STARD10: variants seen among roughly 807,000 people sequenced by gnomAD.
STARD10 encodes the protein StAR related lipid transfer domain containing 10, also known as START domain-containing protein 10.
In STARD10, 24 loss-of-function variants were observed where a neutral mutation model predicts 36.0. That is an observed-to-expected ratio of 0.67 (90% CI 0.48 to 0.94). The LOEUF is 0.94. Among genes scored for constraint, STARD10 ranks in the 40% least tolerant of loss-of-function variants. STARD10 has a pLI of 0.00. For missense variants in STARD10, 335 were observed against 396.6 expected (o/e 0.84, Z 1.32); for synonymous variants, 156 against 161.9 (o/e 0.96, Z 0.28).
chr11:72,758,197 T>G (rs550131511), intron 4 of STARD10, among the ~76,000 whole-genome samples: 15 of 152,354 alleles, frequency 9.8e-5, no homozygotes, highest in Non-Finnish European at 1.8e-4. Context: ...TGCCTGTCCT[T>G]GCCCAGGGAG....
chr11:72,780,319 C>A (rs1051161813), intron 2 of STARD10: 6 of 395,586 alleles, frequency 1.5e-5, no homozygotes, highest in African/African-American at 1.0e-4. Flanking sequence ...CAACTGCTCC[C>A]TATGTTGGCT....
Position 72,783,564 on chromosome 11 carries a change from A to G in STARD10, c.-113-2270T>C, listed in dbSNP as rs940954455. 3 of 152,954 alleles carry G rather than the reference A, an allele frequency of 2.0e-5. No homozygotes were observed. In the South Asian group the frequency reaches 6.2e-4, roughly 32 times the overall value. 9.5% of individuals were successfully genotyped at this position (152,954 alleles called of 1,614,324 possible). On this transcript the variant is annotated intron_variant, in intron 1 of 6. Transcript: ENST00000334805. The stretch of plus-strand genomic sequence containing the variant: ...GATACCCACACTGCCTGGGTGGGAC[A>G]CTCAGGCAGTGTGGGTATCAGATAA...
rs761821853 is a variant in STARD10 at position 72,755,119 on chromosome 11, C to T, written c.654G>A (p.Ala218=). ...APKAMKKMYK[A]CLKYPEWKQK... is the part of the protein sequence containing the mutation. ...GTTTCCACTCGGGGTACTTGAGGCACGCCTTGTACATCTTCTTCATGGCCT... is the reference window on the plus strand; with the variant it reads ...GTTTCCACTCGGGGTACTTGAGGCATGCCTTGTACATCTTCTTCATGGCCT... Residue 218 remains alanine, a synonymous_variant, in exon 7 of 7, where the codon GCG becomes GCA. Coordinates refer to ENST00000334805, the MANE Select transcript of STARD10 (RefSeq NM_006645.3). The T allele has an allele frequency of 8.1e-6, 13 of 1,613,226 alleles. No homozygotes were observed. Among genetic ancestry groups the T allele is most frequent in the Non-Finnish European group, 1.1e-5 (13 of 1,179,700 alleles).
chr11:72,787,106 G>C (rs1234557145), intron 1 of STARD10, among the ~76,000 whole-genome samples: 1 of 124,844 alleles, frequency 8.0e-6, no homozygotes, highest in African/African-American at 3.1e-5. Context: ...AAAAAAAAAA[G>C]GAAATGGGAC....
At chr11:72,756,156 A>G (rs1858640969) in intron 5 of STARD10, among the ~76,000 whole-genome samples, 1 of 151,964 alleles carries the variant, frequency 6.6e-6, no homozygotes, top group Non-Finnish European at 1.5e-5. Flanking sequence ...TGTCCTTCCA[A>G]GTCCTCCCCT....
Position 72,771,808 on chromosome 11 carries a change from C to T in STARD10, c.207+9167G>A, listed in dbSNP as rs146897130. 6.9e-4 allele frequency among the ~76,000 whole-genome samples: 105 copies of T among 152,092 alleles called. No individual in the cohort carries two copies. The South Asian group carries it at 0.017, about 24-fold the overall frequency. ...CCTCTCCACTTCTATCCTGGGGGGG[C>T]GAGGGGGAGCCAGACAGAGAAGGGA... On this transcript the variant is annotated intron_variant, in intron 2 of 6. Coordinates refer to ENST00000334805, the MANE Select transcript of STARD10 (RefSeq NM_006645.3).
chr11:72,771,958 C>G (rs12285216), intron 2 of STARD10, among the ~76,000 whole-genome samples: 18,543 of 152,076 alleles, frequency 0.12, 1,441 homozygotes, highest in African/African-American at 0.21. Context: ...CACAAAGAGG[C>G]AAAAAGCCTC....
intron 2 of STARD10, among the ~76,000 whole-genome samples, chr11:72,776,394 C>T (rs1212476751): frequency 1.3e-5 from 2 of 152,152 alleles, no homozygotes; most frequent in Admixed American, 6.5e-5. Context: ...CTGCCACCGC[C>T]GATAAGAAGA....
At chr11:72,789,956 G>A (rs1292296875) in intron 1 of STARD10, among the ~76,000 whole-genome samples, 1 of 152,154 alleles carries the variant, frequency 6.6e-6, no homozygotes, top group Non-Finnish European at 1.5e-5. Flanking sequence ...ACTCCTCTGA[G>A]CCTGCTTTGC....
intron 1 of STARD10, among the ~76,000 whole-genome samples, chr11:72,782,931 C>T (rs1859023813): frequency 6.6e-6 from 1 of 152,192 alleles, no homozygotes; most frequent in Non-Finnish European, 1.5e-5. Flanking sequence ...GCACGCAGAT[C>T]TCAGCCTCCT....
chr11:72,774,015 G>A (rs1858898557), intron 2 of STARD10, among the ~76,000 whole-genome samples: 1 of 152,202 alleles, frequency 6.6e-6, no homozygotes, highest in South Asian at 2.1e-4. Flanking sequence ...CTGGCTATCA[G>A]GCCTCTACCT....
At chr11:72,787,524 T>A (rs1215634696) in intron 1 of STARD10, among the ~76,000 whole-genome samples, 1 of 152,176 alleles carries the variant, frequency 6.6e-6, no homozygotes, top group South Asian at 2.1e-4. Context: ...TGGATTCTCC[T>A]TCCGGAGGGT....
rs1254478107 is a variant in STARD10 at position 72,754,959 on chromosome 11, TGCTCTCGGCCACCGC to T, written c.799_813del (p.Ala267_Ser271del). The T allele has an allele frequency of 6.2e-7, 1 of 1,609,122 alleles. No individual in the cohort carries two copies. The stretch of plus-strand genomic sequence containing the variant: ...CCCGCGCCGCCCATCCGCTCCTCTC[TGCTCTCGGCCACCGC>T]GCTCTCGTCGATGTTCTCCAGTGAG... On this transcript the variant is annotated inframe_deletion, in exon 7 of 7. Transcript: ENST00000334805.
chr11:72,757,960 C>G (rs575577704), intron 4 of STARD10, 76 bp from the exon 5 acceptor site: 21 of 1,198,916 alleles, frequency 1.8e-5, no homozygotes, highest in Middle Eastern at 2.0e-4. Context: ...TACACAAACG[C>G]GCACGCGCAC....
In STARD10 at chr11:72,764,952, A is replaced by T. The variant is rs2135614240; in HGVS notation, c.208-5571T>A. ...AAGCCTGGTGACAGCAGGGACCCCGACATGCAGTGGTATTACATTTGAGAA... is the reference window on the plus strand; with the variant it reads ...AAGCCTGGTGACAGCAGGGACCCCGTCATGCAGTGGTATTACATTTGAGAA... On this transcript the variant is annotated intron_variant, in intron 2 of 6. Coordinates refer to ENST00000334805, the MANE Select transcript of STARD10 (RefSeq NM_006645.3). Among the ~76,000 whole-genome samples the T allele has an allele frequency of 2.0e-5, 3 of 152,328 alleles. No homozygotes were observed. The Middle Eastern group carries it at 0.01, about 518-fold the overall frequency.
chr11:72,778,864 G>A (rs911267921), intron 2 of STARD10, among the ~76,000 whole-genome samples: 1 of 152,178 alleles, frequency 6.6e-6, no homozygotes, highest in African/African-American at 2.4e-5. Context: ...AGAAAAGGAG[G>A]GTAGGGTCCT....
intron 1 of STARD10, among the ~76,000 whole-genome samples, chr11:72,782,845 G>C (rs966995099): frequency 6.6e-6 from 1 of 152,132 alleles, no homozygotes; most frequent in Non-Finnish European, 1.5e-5. Context: ...GCAGTCTGTC[G>C]CAGTGACTGT....
chr11:72,788,873 A>G (rs1174889326), intron 1 of STARD10, among the ~76,000 whole-genome samples: 1 of 150,694 alleles, frequency 6.6e-6, no homozygotes, highest in Non-Finnish European at 1.5e-5. Flanking sequence ...TTTTTTTTTA[A>G]AAGATAGGAT....
At chr11:72,789,370 T>C (rs1163222996) in intron 1 of STARD10, among the ~76,000 whole-genome samples, 2 of 152,224 alleles carry the variant, frequency 1.3e-5, no homozygotes, top group Admixed American at 6.5e-5. Flanking sequence ...TTCCTCAGTC[T>C]GGAGGCAATG....
Sources: allele counts gnomAD v4.1 joint callset (sites outside exome capture counted in the v4.1 genomes callset), GRCh38; gene constraint gnomAD v4.1.1; transcripts MANE v1.5; gene names NCBI Gene and HGNC (gene_info 2026-07-23, HGNC 2026-07-21).